Variants in PDIA5 observed in about 807,000 individuals in gnomAD.
The protein encoded by PDIA5 is protein disulfide-isomerase A5.
Under a neutral mutation model 77.6 loss-of-function variants are expected in PDIA5, and 58 were observed. The ratio of observed to expected loss-of-function variants is 0.75; its 90% CI spans 0.61 to 0.93. The LOEUF is 0.93. PDIA5 is among the 40% of genes least tolerant of loss of function. The probability of loss-of-function intolerance (pLI) is 0.00; values close to 1 mark genes in which losing one functional copy is unlikely to be tolerated. For missense variants in PDIA5, 630 were observed against 647.7 expected (o/e 0.97, Z 0.30); for synonymous variants, 250 against 252.1 (o/e 0.99, Z 0.08).
chr3:123,102,878 GA>G (rs748647732), intron 5 of PDIA5, 82 bp downstream of exon 5: 16 of 866,196 alleles, frequency 1.8e-5, no homozygotes, highest in Non-Finnish European at 3.2e-5. Flanking sequence ...TCTGAGAAAA[GA>G]AAGGGCAGAT....
chr3:123,077,844 C>G (rs931209741), intron 1 of PDIA5, among the ~76,000 whole-genome samples: 2 of 149,490 alleles, frequency 1.3e-5, no homozygotes, highest in Non-Finnish European at 3.0e-5. Context: ...GAGTCTCACT[C>G]TGTTGCCCAG....
intron 3 of PDIA5, among the ~76,000 whole-genome samples, chr3:123,096,866 T>C (rs1487994101): frequency 1.3e-5 from 2 of 152,214 alleles, no homozygotes; most frequent in Non-Finnish European, 2.9e-5. Flanking sequence ...GGCTCGGGCT[T>C]GGCGTGGAGT....
intron 10 of PDIA5, among the ~76,000 whole-genome samples, chr3:123,128,184 A>G (rs1935286232): frequency 6.6e-6 from 1 of 152,274 alleles, no homozygotes; most frequent in South Asian, 2.1e-4. Context: ...GCCACAGGCT[A>G]TAGCTCTGCT....
intron 7 of PDIA5, among the ~76,000 whole-genome samples, chr3:123,114,157 G>A (rs374470700): frequency 6.6e-5 from 10 of 152,304 alleles, no homozygotes; most frequent in South Asian, 4.1e-4. Context: ...GCAAACAGGC[G>A]AAACAGGAAG....
At chr3:123,158,499 G>A (rs1255746596) in intron 15 of PDIA5, among the ~76,000 whole-genome samples, 3 of 152,188 alleles carry the variant, frequency 2.0e-5, no homozygotes, top group Non-Finnish European at 4.4e-5. Flanking sequence ...AACCAAAGCA[G>A]GTGTTTTATG....
chr3:123,153,425 A>G (rs1935956784), intron 14 of PDIA5, among the ~76,000 whole-genome samples: 1 of 152,212 alleles, frequency 6.6e-6, no homozygotes, highest in Admixed American at 6.5e-5. Flanking sequence ...ATCCCTTTAT[A>G]GTGTGACATT....
intron 15 of PDIA5, among the ~76,000 whole-genome samples, chr3:123,156,275 C>A (rs1050729569): frequency 6.6e-6 from 1 of 152,140 alleles, no homozygotes; most frequent in African/African-American, 2.4e-5. Flanking sequence ...AGACCCAGAG[C>A]CCAGGACTCT....
chr3:123,161,321 A>G lies in PDIA5; in HGVS notation c.1345A>G (p.Ile449Val), dbSNP rs368837820. The change falls in exon 16 of 17, where the codon ATT becomes GTT. Residue 449 changes from isoleucine to valine, a missense_variant and splice_region_variant. By Grantham distance (29) the Ile-to-Val change is conservative. Coordinates refer to ENST00000316218, the MANE Select transcript of PDIA5 (RefSeq NM_006810.4). Reference protein sequence around the residue: ...TADAFKDDRKIACAAVDCVKD... With the variant: ...TADAFKDDRKVACAAVDCVKD... ...CAACTCTCTTTACCTTGGCTCCTAG[A>G]TTGCCTGTGCCGCTGTTGACTGTGT... 1.2e-5 allele frequency: 20 copies of G among 1,613,560 alleles called. No individual in the cohort carries two copies. The highest frequency in any genetic ancestry group is 1.6e-5 in the Non-Finnish European group (19 of 1,179,820).
At chr3:123,142,188 C>T (rs1208911248) in intron 11 of PDIA5, among the ~76,000 whole-genome samples, 1 of 152,244 alleles carries the variant, frequency 6.6e-6, no homozygotes, top group Admixed American at 6.5e-5. Flanking sequence ...GAGGGAGCGG[C>T]CTGCCTGCTG....
intron 1 of PDIA5, among the ~76,000 whole-genome samples, chr3:123,069,963 G>A (rs577443954): frequency 1.3e-3 from 197 of 151,914 alleles, no homozygotes; most frequent in Non-Finnish European, 1.3e-3. Flanking sequence ...GGTAGCGGGC[G>A]CCTGTAGTCC....
chr3:123,071,196 C>G (rs1001443840), intron 1 of PDIA5, among the ~76,000 whole-genome samples: 1 of 152,144 alleles, frequency 6.6e-6, no homozygotes, highest in Non-Finnish European at 1.5e-5. Flanking sequence ...ACTCAGCCTT[C>G]TCCTTTTATA....
At chr3:123,128,204 G>A (rs1413704087) in intron 10 of PDIA5, among the ~76,000 whole-genome samples, 2 of 152,252 alleles carry the variant, frequency 1.3e-5, no homozygotes, top group Non-Finnish European at 2.9e-5. Flanking sequence ...TTCAAGGAGT[G>A]GGCCCCTGGG....
intron 3 of PDIA5, among the ~76,000 whole-genome samples, chr3:123,095,749 CAAAA>C (rs61654925): frequency 3.5e-5 from 3 of 86,692 alleles, no homozygotes; most frequent in Admixed American, 1.1e-4. Context: ...AACTCTGTCT[CAAAA>C]AAAAAAAAAA....
intron 11 of PDIA5, among the ~76,000 whole-genome samples, chr3:123,134,022 T>G (rs1215427252): frequency 6.6e-6 from 1 of 151,892 alleles, no homozygotes; most frequent in Non-Finnish European, 1.5e-5. Context: ...TTCTTTTCCT[T>G]TTCTTTTCTT....
At chr3:123,157,908 G>T (rs1409555335) in intron 15 of PDIA5, among the ~76,000 whole-genome samples, 2 of 152,232 alleles carry the variant, frequency 1.3e-5, no homozygotes, top group East Asian at 1.9e-4. Flanking sequence ...GCACGTCAAG[G>T]TGTGCAGGCT....
Position 123,150,370 on chromosome 3 carries a change from T to C in PDIA5, c.1273+6T>C. 6.2e-7 allele frequency: 1 copy of C among 1,612,370 alleles called. No individual in the cohort carries two copies. The highest frequency in any genetic ancestry group is 8.5e-7 in the Non-Finnish European group (1 of 1,179,190). On this transcript the variant is annotated splice_donor_region_variant and intron_variant, in intron 14 of 16. Coordinates refer to ENST00000316218, the MANE Select transcript of PDIA5 (RefSeq NM_006810.4). ...GGTCATGTTCTACGCCCCTTGTAAG[T>C]AGCTTGGGTGCTCACTGAGTGGCAC...
At chr3:123,124,193 C>T (rs371742244) in intron 9 of PDIA5, 36 bp downstream of exon 9, 77 of 1,586,180 alleles carry the variant, frequency 4.9e-5, no homozygotes, top group Non-Finnish European at 2.7e-5. Context: ...GCTCACCTCC[C>T]TCCCTGGTGA....
At chr3:123,130,218 G>T (rs1199384226) in intron 10 of PDIA5, among the ~76,000 whole-genome samples, 1 of 152,256 alleles carries the variant, frequency 6.6e-6, no homozygotes, top group Admixed American at 6.5e-5. Flanking sequence ...TATCTAGAGA[G>T]CTGTAGCCAG....
intron 5 of PDIA5, among the ~76,000 whole-genome samples, chr3:123,104,546 C>T (rs186840757): frequency 6.7e-4 from 102 of 152,378 alleles, no homozygotes; most frequent in African/African-American, 2.4e-3. Context: ...GAAGCCTGGT[C>T]ACAGACGCTG....
Sources: gnomAD v4.1 joint callset for allele counts (sites outside exome capture counted in the v4.1 genomes callset) on GRCh38, gnomAD v4.1.1 for gene constraint, MANE v1.5 for transcripts, NCBI Gene and HGNC (gene_info 2026-07-23, HGNC 2026-07-21) for gene names.